Variants in RCAN2 observed in about 807,000 individuals in gnomAD.
RCAN2 encodes regulator of calcineurin 2.
Under a neutral mutation model 23.6 loss-of-function variants are expected in RCAN2, and 9 were observed. The observed-to-expected ratio is 0.38, with a 90% confidence interval of 0.23 to 0.67. RCAN2 has a LOEUF of 0.67. Among genes scored for constraint, RCAN2 ranks in the 30% least tolerant of loss-of-function variants. The pLI is 0.51. For missense variants in RCAN2, 273 were observed against 302.3 expected (o/e 0.90, Z 0.72); for synonymous variants, 109 against 115.7 (o/e 0.94, Z 0.37).
chr6:46,258,156 C>T (rs749962287), intron 2 of RCAN2, among the ~76,000 whole-genome samples: 2 of 152,138 alleles, frequency 1.3e-5, no homozygotes, highest in Non-Finnish European at 2.9e-5. Context: ...AGAGTAAAAC[C>T]ACTCCTTTAG....
intron 2 of RCAN2, among the ~76,000 whole-genome samples, chr6:46,327,709 T>C (rs1043063773): frequency 1.4e-4 from 21 of 152,254 alleles, no homozygotes; most frequent in Admixed American, 5.2e-4. Flanking sequence ...CACAGCATAC[T>C]GGTAAATGTT....
chr6:46,349,211 AG>A (rs1764576398), intron 2 of RCAN2, among the ~76,000 whole-genome samples: 1 of 152,228 alleles, frequency 6.6e-6, no homozygotes, highest in Non-Finnish European at 1.5e-5. Context: ...AAAAGATAAG[AG>A]GAAACCAGAA....
intron 4 of RCAN2, among the ~76,000 whole-genome samples, chr6:46,237,474 G>GC (rs1288507955): frequency 3.3e-5 from 5 of 152,142 alleles, no homozygotes; most frequent in Admixed American, 6.5e-5. Flanking sequence ...ATTTGTGGTA[G>GC]CAGGTTGTGT....
chr6:46,457,433 A>C (rs1373201033), intron 1 of RCAN2, among the ~76,000 whole-genome samples: 1 of 152,214 alleles, frequency 6.6e-6, no homozygotes, highest in Non-Finnish European at 1.5e-5. Flanking sequence ...GAAGAAAGCA[A>C]TTAAGTAACT....
intron 2 of RCAN2, among the ~76,000 whole-genome samples, chr6:46,409,839 C>T (rs1246097238): frequency 6.6e-6 from 1 of 152,094 alleles, no homozygotes; most frequent in Non-Finnish European, 1.5e-5. Flanking sequence ...AAGGGATGCC[C>T]AGATAGCTGG....
chr6:46,418,397 G>GAATCA (rs1766771150), intron 2 of RCAN2, among the ~76,000 whole-genome samples: 1 of 152,070 alleles, frequency 6.6e-6, no homozygotes, highest in Admixed American at 6.5e-5. Flanking sequence ...TCGCCATCCA[G>GAATCA]AATCAAAGTA....
chr6:46,318,404 A>G (rs770351332), intron 2 of RCAN2, among the ~76,000 whole-genome samples: 8 of 152,236 alleles, frequency 5.3e-5, no homozygotes, highest in Non-Finnish European at 1.0e-4. Context: ...AAAAAAAAGT[A>G]TAGTTCAGAG....
chr6:46,234,897 A>T (rs1458903473), intron 4 of RCAN2, among the ~76,000 whole-genome samples: 1 of 152,082 alleles, frequency 6.6e-6, no homozygotes, highest in Non-Finnish European at 1.5e-5. Context: ...GAGGGTGCCC[A>T]TGGGCTGTTT....
At chr6:46,444,419 C>G (rs1404290080) in intron 2 of RCAN2, among the ~76,000 whole-genome samples, 1 of 152,178 alleles carries the variant, frequency 6.6e-6, no homozygotes, top group African/African-American at 2.4e-5. Context: ...ATACACAATG[C>G]TCATCCTAGC....
chr6:46,227,171 C>A (rs1288849066), intron 4 of RCAN2, among the ~76,000 whole-genome samples: 2 of 152,150 alleles, frequency 1.3e-5, no homozygotes, highest in African/African-American at 4.8e-5. Flanking sequence ...TTTTGATGTG[C>A]TGCTGGATTC....
intron 2 of RCAN2, among the ~76,000 whole-genome samples, chr6:46,406,126 C>G (rs1033201903): frequency 5.3e-5 from 8 of 152,168 alleles, no homozygotes; most frequent in Non-Finnish European, 1.2e-4. Context: ...CGCGCAGCCC[C>G]GGTTCCTGCT....
intron 2 of RCAN2, among the ~76,000 whole-genome samples, chr6:46,266,587 G>C (rs1308657058): frequency 6.6e-6 from 1 of 152,158 alleles, no homozygotes; most frequent in East Asian, 1.9e-4. Context: ...CTGCTGTTTT[G>C]TGTTGCCTAA....
At chr6:46,304,945 G>T (rs1763017336) in intron 2 of RCAN2, among the ~76,000 whole-genome samples, 1 of 152,078 alleles carries the variant, frequency 6.6e-6, no homozygotes, top group African/African-American at 2.4e-5. Flanking sequence ...TGCCTGTATT[G>T]GAACAAGGTA....
At chr6:46,352,122 T>G (rs1388983750) in intron 2 of RCAN2, among the ~76,000 whole-genome samples, 1 of 152,146 alleles carries the variant, frequency 6.6e-6, no homozygotes, top group Non-Finnish European at 1.5e-5. Flanking sequence ...GCTAAGGACA[T>G]TCTAAGGAGG....
At chr6:46,461,865 C>T (rs1175181845) in intron 1 of RCAN2, among the ~76,000 whole-genome samples, 8 of 152,130 alleles carry the variant, frequency 5.3e-5, no homozygotes, top group Admixed American at 1.3e-4. Flanking sequence ...AGATTACAGG[C>T]GTGAGCCACC....
At chr6:46,330,741 T>G (rs1055275929) in intron 2 of RCAN2, among the ~76,000 whole-genome samples, 2 of 152,228 alleles carry the variant, frequency 1.3e-5, no homozygotes, top group African/African-American at 2.4e-5. Context: ...TATAGAGTTC[T>G]CCTCCATTTC....
intron 2 of RCAN2, among the ~76,000 whole-genome samples, chr6:46,292,846 AT>A (rs1275644319): frequency 6.6e-6 from 1 of 152,000 alleles, no homozygotes; most frequent in East Asian, 1.9e-4. Context: ...TACATTAGGT[AT>A]TTCTCCTAAC....
chr6:46,370,937 T>G (rs1765304906), intron 2 of RCAN2, among the ~76,000 whole-genome samples: 1 of 149,500 alleles, frequency 6.7e-6, no homozygotes, highest in Non-Finnish European at 1.5e-5. Context: ...CAATTTACAC[T>G]ATTTAGTGAG....
chr6:46,440,916 C>T (rs4714934), intron 2 of RCAN2, among the ~76,000 whole-genome samples: 4,025 of 152,256 alleles, frequency 0.026, 90 homozygotes, highest in South Asian at 0.12. Context: ...ATTAACCTTC[C>T]TTAAAACTCA....
Sources: gnomAD v4.1 joint callset for allele counts (sites outside exome capture counted in the v4.1 genomes callset) on GRCh38, gnomAD v4.1.1 for gene constraint, MANE v1.5 for transcripts, NCBI Gene and HGNC (gene_info 2026-07-23, HGNC 2026-07-21) for gene names.